Variants in STX8 observed in about 807,000 individuals in gnomAD.
STX8 encodes the protein syntaxin-8.
Under a neutral mutation model 37.5 loss-of-function variants are expected in STX8, and 23 were observed. The ratio of observed to expected loss-of-function variants is 0.61; its 90% CI spans 0.44 to 0.87. The LOEUF is 0.87. Among genes scored for constraint, STX8 ranks in the 40% least tolerant of loss-of-function variants. The probability of loss-of-function intolerance (pLI) is 0.00; values close to 1 mark genes in which losing one functional copy is unlikely to be tolerated. For missense variants in STX8, 313 were observed against 284.7 expected (o/e 1.10, Z -0.71); for synonymous variants, 115 against 99.1 (o/e 1.16, Z -0.95).
chr17:9,333,645 T>G (rs1384519576), intron 7 of STX8, among the ~76,000 whole-genome samples: 3 of 152,180 alleles, frequency 2.0e-5, no homozygotes, highest in African/African-American at 7.2e-5. Context: ...CGCCTTGGCC[T>G]CCCAAAGTGC....
intron 6 of STX8, among the ~76,000 whole-genome samples, chr17:9,381,510 A>G (rs1166612406): frequency 2.6e-5 from 4 of 152,236 alleles, no homozygotes; most frequent in Non-Finnish European, 5.9e-5. Context: ...TGCCTCCTGC[A>G]GCACTTCCTA....
chr17:9,551,219 T>G (rs1042461380), intron 3 of STX8, among the ~76,000 whole-genome samples: 1 of 152,212 alleles, frequency 6.6e-6, no homozygotes, highest in Non-Finnish European at 1.5e-5. Context: ...AAAAGACTTT[T>G]CTGGCTTTCT....
At chr17:9,547,823 G>A (rs1398810888) in intron 3 of STX8, among the ~76,000 whole-genome samples, 1 of 126,672 alleles carries the variant, frequency 7.9e-6, no homozygotes, top group East Asian at 2.3e-4. Flanking sequence ...ATGGAGTCTT[G>A]CTCTATCATC....
At chr17:9,397,704 G>A (rs567303368) in intron 6 of STX8, among the ~76,000 whole-genome samples, 29 of 152,048 alleles carry the variant, frequency 1.9e-4, no homozygotes, top group African/African-American at 5.3e-4. Context: ...GGCCGGGCAC[G>A]GTAGCTCACA....
chr17:9,279,414 G>A (rs1443272739), intron 7 of STX8, among the ~76,000 whole-genome samples: 6 of 152,038 alleles, frequency 3.9e-5, no homozygotes, highest in East Asian at 1.9e-4. Flanking sequence ...TGAACCTGAC[G>A]CTCAGAAGCA....
intron 6 of STX8, among the ~76,000 whole-genome samples, chr17:9,430,651 T>A (rs1176017184): frequency 2.7e-5 from 1 of 37,462 alleles, no homozygotes; most frequent in South Asian, 7.5e-4. Flanking sequence ...GGTTTTGGCT[T>A]TTTTTTTTTT....
chr17:9,552,838 T>G (rs2151914190), intron 3 of STX8: 1 of 152,090 alleles, frequency 6.6e-6, no homozygotes, highest in South Asian at 2.1e-4. Flanking sequence ...GTATTTTTAG[T>G]AGAGACGGGG....
intron 3 of STX8, among the ~76,000 whole-genome samples, chr17:9,552,335 C>A (rs1168517769): frequency 6.6e-6 from 1 of 152,160 alleles, no homozygotes; most frequent in African/African-American, 2.4e-5. Context: ...CAGTGAGATC[C>A]TGTCTTTAAA....
chr17:9,432,166 T>A (rs796878713), intron 6 of STX8, among the ~76,000 whole-genome samples: 73 of 152,262 alleles, frequency 4.8e-4, no homozygotes, highest in Middle Eastern at 3.4e-3. Context: ...CTTTTTTTTT[T>A]AAGTTCTTAA....
intron 7 of STX8, among the ~76,000 whole-genome samples, chr17:9,377,696 T>C (rs1911649230): frequency 6.6e-6 from 1 of 152,136 alleles, no homozygotes; most frequent in Non-Finnish European, 1.5e-5. Context: ...AAATTTTTTA[T>C]AGAGACAGAG....
chr17:9,400,885 G>GT (rs1912591252), intron 6 of STX8, among the ~76,000 whole-genome samples: 1 of 152,082 alleles, frequency 6.6e-6, no homozygotes, highest in Non-Finnish European at 1.5e-5. Flanking sequence ...ATTTGCTAAC[G>GT]TTTCCCCCCT....
intron 6 of STX8, among the ~76,000 whole-genome samples, chr17:9,473,810 G>A (rs979930726): frequency 2.6e-5 from 4 of 152,196 alleles, no homozygotes; most frequent in East Asian, 1.9e-4. Flanking sequence ...AGTGCTAGAC[G>A]TGTCTTTTGT....
intron 6 of STX8, among the ~76,000 whole-genome samples, chr17:9,485,498 A>C (rs1906549122): frequency 6.6e-6 from 1 of 152,232 alleles, no homozygotes; most frequent in South Asian, 2.1e-4. Context: ...AGAAAGAAAA[A>C]CAATAAGTAA....
chr17:9,533,214 T>C (rs1185266956), intron 4 of STX8, among the ~76,000 whole-genome samples: 1 of 152,242 alleles, frequency 6.6e-6, no homozygotes, highest in Middle Eastern at 3.2e-3. Context: ...CGCCTTGTAA[T>C]GCCACGGCTT....
At chr17:9,571,599 C>CAA (rs66741519) in intron 1 of STX8, among the ~76,000 whole-genome samples, 1,416 of 99,792 alleles carry the variant, frequency 0.014, 38 homozygotes, top group African/African-American at 0.054. Context: ...GACTTTGTCT[C>CAA]AAAAAAAAAA....
chr17:9,311,602 A>T (rs1387032529), intron 7 of STX8, among the ~76,000 whole-genome samples: 5 of 152,208 alleles, frequency 3.3e-5, no homozygotes, highest in African/African-American at 1.2e-4. Flanking sequence ...ACGGAATATA[A>T]ACAGAGTCTA....
intron 7 of STX8, among the ~76,000 whole-genome samples, chr17:9,307,756 A>G (rs995870282): frequency 6.6e-6 from 1 of 152,110 alleles, no homozygotes; most frequent in Non-Finnish European, 1.5e-5. Flanking sequence ...TCAGAAAAGC[A>G]GGGCCTTTCT....
intron 1 of STX8, among the ~76,000 whole-genome samples, chr17:9,572,599 G>T (rs1409213452): frequency 6.6e-6 from 1 of 152,018 alleles, no homozygotes; most frequent in South Asian, 2.1e-4. Flanking sequence ...TAGTAGAGAC[G>T]GGGTTTCACC....
chr17:9,367,269 C>T (rs191849758), intron 7 of STX8, among the ~76,000 whole-genome samples: 8 of 151,018 alleles, frequency 5.3e-5, no homozygotes, highest in East Asian at 3.9e-4. Flanking sequence ...TGGTAGGGGG[C>T]GGCTTCTCAC....
Sources: allele counts gnomAD v4.1 joint callset (sites outside exome capture counted in the v4.1 genomes callset), GRCh38; gene constraint gnomAD v4.1.1; transcripts MANE v1.5; gene names NCBI Gene and HGNC (gene_info 2026-07-23, HGNC 2026-07-21).